Variants in TMPRSS9 observed in about 807,000 individuals in gnomAD.
TMPRSS9 encodes transmembrane serine protease 9.
TMPRSS9 carries 113 observed loss-of-function variants against 111.4 expected under a neutral mutation model. The observed-to-expected ratio is 1.01, with a 90% CI of 0.87 to 1.19. The LOEUF (loss-of-function observed/expected upper bound fraction) is 1.19, where lower values mean the gene tolerates loss of function less well. Among genes scored for constraint, TMPRSS9 ranks in the 50% most tolerant of loss-of-function variants. The pLI, the probability that TMPRSS9 is intolerant of heterozygous loss-of-function variation, is 0.00. For missense variants in TMPRSS9, 1,803 were observed against 1,513.1 expected, an observed-to-expected ratio of 1.19 and a Z score of -3.18; for synonymous variants, 805 against 659.1, an observed-to-expected ratio of 1.22 and a Z score of -3.39.
In TMPRSS9 at chr19:2,420,349, G is replaced by C. The variant is rs1971434881; in HGVS notation, c.2155-1505G>C. ...TCTAGCTACTCCGGAGGCTGAGGCA[G>C]GAGAATTGCTTGAGCCCAGGAGGCG... is the stretch of plus-strand genomic sequence containing the variant. On this transcript the variant is annotated intron_variant, in intron 13 of 17. Coordinates refer to ENST00000648592, the Ensembl canonical transcript of TMPRSS9. 3.3e-5 allele frequency among the ~76,000 whole-genome samples: 5 copies of C among 151,236 alleles called. No homozygotes were observed. The South Asian group carries it at 1.0e-3, about 31-fold the overall frequency.
intron 1 of TMPRSS9, among the ~76,000 whole-genome samples, chr19:2,377,477 TC>T: frequency 4.4e-5 from 1 of 22,946 alleles, no homozygotes; most frequent in East Asian, 1.5e-3. Context: ...CTCTCCCCTC[TC>T]CTCTCTCCCC....
intron 2 of TMPRSS9, among the ~76,000 whole-genome samples, chr19:2,397,797 G>A (rs1568178524): frequency 1.3e-5 from 2 of 151,880 alleles, no homozygotes; most frequent in East Asian, 2.0e-4. Context: ...GTGTGTGCCT[G>A]TAGTCTCAGC....
chr19:2,415,715 G>T (rs1471686972), exon 11 of TMPRSS9: 1 of 1,608,764 alleles, frequency 6.2e-7, no homozygotes, highest in South Asian at 1.1e-5. Context: ...CGGGTCGTGG[G>T]CGGGTTCGGA....
In TMPRSS9 at chr19:2,416,814, G is replaced by A; in HGVS notation, c.2017+5G>A. 1 of 1,601,266 alleles carries A rather than the reference G, an allele frequency of 6.2e-7. No individual in the cohort carries two copies. Among genetic ancestry groups the A allele is most frequent in the East Asian group, 2.2e-5 (1 of 44,738 alleles). On this transcript the variant is annotated splice_donor_5th_base_variant and intron_variant, in intron 12 of 17. Transcript: ENST00000648592. Reference sequence around the variant, plus strand: ...GAAATACGCAGGAAGGAAATGGTGAGCGCTGCCCCATCGAGGGGAACGGTG... The same window carrying A: ...GAAATACGCAGGAAGGAAATGGTGAACGCTGCCCCATCGAGGGGAACGGTG...
At chr19:2,418,277 CTT>C (rs112073170) in intron 13 of TMPRSS9, 139 bp downstream of exon 14, 7 of 938,692 alleles carry the variant, frequency 7.5e-6, no homozygotes, top group Middle Eastern at 2.6e-4. Flanking sequence ...TCCTTCCCTC[CTT>C]TTCCTTTCCT....
At chr19:2,381,590 G>A (rs1208574626) in intron 1 of TMPRSS9, among the ~76,000 whole-genome samples, 3 of 149,082 alleles carry the variant, frequency 2.0e-5, no homozygotes, top group African/African-American at 7.4e-5. Flanking sequence ...CCCCTGCCTC[G>A]CTCCACGCTG....
At chr19:2,389,702 G>A (rs1407817587), upstream of TMPRSS9, 2 of 1,493,016 alleles carry the variant, frequency 1.3e-6, no homozygotes, top group Non-Finnish European at 1.8e-6. Flanking sequence ...CTTGCTTATG[G>A]GAAGAGAAGC....
chr19:2,415,625 G>T, intron 10 of TMPRSS9, 45 bp from the exon 12 acceptor site: 1 of 1,466,336 alleles, frequency 6.8e-7, no homozygotes, highest in South Asian at 1.4e-5. Context: ...GCTCCCACCC[G>T]AGCAGGCCAA....
intron 2 of TMPRSS9, 109 bp from the exon 4 acceptor site, chr19:2,398,686 C>T: frequency 5.1e-6 from 3 of 593,296 alleles, no homozygotes; most frequent in South Asian, 3.5e-5. Context: ...AATGCTTTCC[C>T]ATGGAACCAA....
chr19:2,413,990 T>G, exon 10 of TMPRSS9: 1 of 1,603,884 alleles, frequency 6.2e-7, no homozygotes, highest in South Asian at 1.1e-5. Context: ...CCGTGCCTCT[T>G]GACTGGGTCA....
chr19:2,425,331 GC>G (rs1971590877), intron 16 of TMPRSS9, 25 bp from the exon 18 acceptor site: 2 of 1,409,884 alleles, frequency 1.4e-6, no homozygotes, highest in Admixed American at 2.7e-5. Context: ...GTCCCCACCC[GC>G]CCCGTCTCGC....
chr19:2,417,043 A>G (rs553121789), intron 12 of TMPRSS9, among the ~76,000 whole-genome samples: 1 of 152,220 alleles, frequency 6.6e-6, no homozygotes, highest in East Asian at 1.9e-4. Flanking sequence ...TTATTGGAAC[A>G]GGGGCCATGT....
At chr19:2,416,468 GCCCTGT>G in intron 11 of TMPRSS9, 64 bp from the exon 13 acceptor site, 1 of 1,544,722 alleles carries the variant, frequency 6.5e-7, no homozygotes, top group Non-Finnish European at 8.7e-7. Context: ...GTGTGCATCA[GCCCTGT>G]CCCTCCCCAA....
chr19:2,421,584 G>A (rs939778382), intron 13 of TMPRSS9, among the ~76,000 whole-genome samples: 2 of 152,090 alleles, frequency 1.3e-5, no homozygotes, highest in Non-Finnish European at 2.9e-5. Flanking sequence ...ACCACGCCTG[G>A]CCTTATTGTT....
chr19:2,385,188 C>CGGGGGCGGGGCTCGAGGGGCGGGGCTCGA (rs1970453054), upstream of TMPRSS9, among the ~76,000 whole-genome samples: 4 of 24,936 alleles, frequency 1.6e-4, 1 homozygote, highest in Middle Eastern at 0.048. Context: ...GCGGGGCTCG[C>CGGGGGCGGGGCTCGAGGGGCGGGGCTCGA]GGGGGCGGGG....
At chr19:2,412,583 AC>A (rs1329045822) in intron 9 of TMPRSS9, among the ~76,000 whole-genome samples, 4 of 151,798 alleles carry the variant, frequency 2.6e-5, no homozygotes, top group Non-Finnish European at 5.9e-5. Flanking sequence ...TCCCTTTTCT[AC>A]CCCAACCAAC....
At chr19:2,380,093 T>G (rs969322456) in intron 1 of TMPRSS9, among the ~76,000 whole-genome samples, 1 of 152,000 alleles carries the variant, frequency 6.6e-6, no homozygotes, top group African/African-American at 2.4e-5. Context: ...ATGGGGCCAG[T>G]GGCTGCCATT....
intron 1 of TMPRSS9, among the ~76,000 whole-genome samples, chr19:2,373,263 CTCTG>C (rs1568168806): frequency 6.6e-6 from 1 of 152,164 alleles, no homozygotes; most frequent in Non-Finnish European, 1.5e-5. Context: ...CACAGTCTCA[CTCTG>C]TCGCCCAGGC....
exon 18 of TMPRSS9, chr19:2,425,962 C>A (rs1159993174): frequency 6.2e-7 from 1 of 1,606,220 alleles, no homozygotes; most frequent in East Asian, 2.2e-5. Context: ...GCAGGGAGCC[C>A]TCTGGACGGT....
Sources: gnomAD v4.1 joint callset for allele counts (sites outside exome capture counted in the v4.1 genomes callset) on GRCh38, gnomAD v4.1.1 for gene constraint, MANE v1.5 for transcripts, NCBI Gene and HGNC (gene_info 2026-07-23, HGNC 2026-07-21) for gene names.